NEDD4: variants seen among roughly 807,000 people sequenced by gnomAD.
NEDD4 encodes the protein E3 ubiquitin-protein ligase NEDD4.
A neutral mutation model predicts 144.9 loss-of-function variants in NEDD4; 99 were observed. That is an observed-to-expected ratio of 0.68 (90% confidence interval 0.58 to 0.81). The LOEUF (loss-of-function observed/expected upper bound fraction) is 0.81, where lower values mean the gene tolerates loss of function less well. Among genes scored for constraint, NEDD4 ranks in the 30% least tolerant of loss-of-function variants. The pLI is 0.00. For missense variants in NEDD4, 985 were observed against 1,065.9 expected, an observed-to-expected ratio of 0.92 and a Z score of 1.06; for synonymous variants, 318 against 350.6, an observed-to-expected ratio of 0.91 and a Z score of 1.04.
At chr15:55,986,003 C>T (rs1438716745) in intron 1 of NEDD4, among the ~76,000 whole-genome samples, 2 of 152,116 alleles carry the variant, frequency 1.3e-5, no homozygotes, top group African/African-American at 4.8e-5. Context: ...GGACTTGTTA[C>T]GAAGACCTAG....
intron 7 of NEDD4, among the ~76,000 whole-genome samples, chr15:55,871,099 T>C (rs555063960): frequency 6.6e-6 from 1 of 152,306 alleles, no homozygotes; most frequent in East Asian, 1.9e-4. Context: ...AAATTTAGTG[T>C]ATCCTTTCAT....
intron 1 of NEDD4, among the ~76,000 whole-genome samples, chr15:55,976,253 G>A (rs1373069400): frequency 1.3e-5 from 2 of 152,156 alleles, no homozygotes; most frequent in African/African-American, 4.8e-5. Flanking sequence ...AAAAGCTCCT[G>A]TATAGCAAAG....
chr15:55,902,500 G>GA (rs1421997011), intron 5 of NEDD4, among the ~76,000 whole-genome samples: 1 of 152,092 alleles, frequency 6.6e-6, no homozygotes, highest in East Asian at 1.9e-4. Flanking sequence ...AAAGATTCTA[G>GA]AAAAAAGGAG....
intron 14 of NEDD4, among the ~76,000 whole-genome samples, chr15:55,849,574 C>T (rs148545649): frequency 4.0e-5 from 6 of 151,596 alleles, no homozygotes; most frequent in Admixed American, 6.6e-5. Context: ...GTTCAAGGGT[C>T]GATTAATATT....
At position 55,841,972 on chromosome 15, in the gene NEDD4, C is replaced by A. The variant is rs2033531210; in HGVS notation, c.1800G>T (p.Met600Ile). The change falls in exon 19 of 29, where the codon ATG becomes ATT. Residue 600 changes from methionine (M) to isoleucine (I), a missense_variant. By Grantham distance (10) the Met-to-Ile change is conservative (BLOSUM62 1). Coordinates refer to ENST00000435532, the MANE Select transcript of NEDD4 (RefSeq NM_006154.4). Reference protein sequence around the residue: ...REWFFLISKEMFNPYYGLFEY... With the variant: ...REWFFLISKEIFNPYYGLFEY... ...CAAACAACCCATAATAAGGGTTAAA[C>A]ATTTCCTTTGAGATCAGGAAGAACC... 1 of 1,614,028 alleles carries A rather than the reference C, an allele frequency of 6.2e-7. No homozygotes were observed. The highest frequency in any genetic ancestry group is 1.3e-5 in the African/African-American group (1 of 74,932).
intron 1 of NEDD4, among the ~76,000 whole-genome samples, chr15:55,981,050 T>G (rs2037793523): frequency 6.6e-6 from 1 of 151,630 alleles, no homozygotes. Context: ...CCTTTTTTTT[T>G]TTTTTGAGAC....
intron 1 of NEDD4, among the ~76,000 whole-genome samples, chr15:55,976,024 T>C (rs1425815753): frequency 1.3e-5 from 2 of 152,102 alleles, no homozygotes; most frequent in African/African-American, 2.4e-5. Flanking sequence ...GAACACACAA[T>C]GGGGAAAGGA....
chr15:55,966,476 G>A lies in NEDD4; in HGVS notation c.116C>T (p.Ala39Val). Residue 39 changes from alanine (A) to valine (V), a missense_variant, in exon 2 of 29, where the codon GCT (alanine) becomes GTT (valine). Physicochemically the swap from Ala to Val is moderately conservative, Grantham distance 64. Transcript: ENST00000435532. ...TAATCCAAATAGATATACTTACCTA[G>A]CTCCCAATATATCCTTCTTGGCAAG... ...IGLAKKDILGASDPYVRVTLY... is the reference protein window; with the variant it reads ...IGLAKKDILGVSDPYVRVTLY... 6.6e-7 allele frequency: 1 copy of A among 1,510,190 alleles called. No individual in the cohort carries two copies. Among genetic ancestry groups the A allele is most frequent in the East Asian group, 2.5e-5 (1 of 40,290 alleles). 93.5% of individuals were successfully genotyped at this position (1,510,190 alleles called of 1,614,324 possible).
chr15:55,891,116 G>A (rs1408372984), intron 5 of NEDD4, among the ~76,000 whole-genome samples: 4 of 152,166 alleles, frequency 2.6e-5, no homozygotes, highest in Non-Finnish European at 5.9e-5. Flanking sequence ...CCCACATGGT[G>A]AGAATTTTCT....
At chr15:55,977,207 C>A (rs912615209) in intron 1 of NEDD4, among the ~76,000 whole-genome samples, 18 of 152,186 alleles carry the variant, frequency 1.2e-4, no homozygotes, top group African/African-American at 4.3e-4. Flanking sequence ...TGATGGACAG[C>A]ATATATGATG....
At chr15:55,852,374 T>A (rs752636723) in intron 13 of NEDD4, 50 bp downstream of exon 13, 1 of 1,580,808 alleles carries the variant, frequency 6.3e-7, no homozygotes. Flanking sequence ...TACATAGGGA[T>A]GTGACAGTTT....
At chr15:55,872,799 C>G (rs141787647) in intron 6 of NEDD4, among the ~76,000 whole-genome samples, 1 of 152,014 alleles carries the variant, frequency 6.6e-6, no homozygotes, top group East Asian at 1.9e-4. Context: ...ATGCACATGT[C>G]TGCAGGCTGG....
In NEDD4 at chr15:55,846,422, T is replaced by C. The variant is rs1380078066; in HGVS notation, c.1608+547A>G. ...CAGATGATGAGTTTAGTTCCAAACA[T>C]ATTGCATTTGTGGCGATGGGAAAAA... is the stretch of plus-strand genomic sequence containing the variant. On this transcript the variant is annotated intron_variant, in intron 18 of 28. Coordinates refer to ENST00000435532, the MANE Select transcript of NEDD4 (RefSeq NM_006154.4). Among the ~76,000 whole-genome samples the C allele has an allele frequency of 2.6e-5, 4 of 152,180 alleles. No individual in the cohort carries two copies. In the East Asian group the frequency reaches 5.8e-4, roughly 22 times the overall value.
At chr15:55,976,373 T>A (rs1178700106) in intron 1 of NEDD4, among the ~76,000 whole-genome samples, 3 of 152,082 alleles carry the variant, frequency 2.0e-5, no homozygotes, top group African/African-American at 7.2e-5. Flanking sequence ...AACAACTCAA[T>A]AGGAAAAACT....
At chr15:55,977,182 T>C (rs1307543919) in intron 1 of NEDD4, among the ~76,000 whole-genome samples, 1 of 152,202 alleles carries the variant, frequency 6.6e-6, no homozygotes, top group African/African-American at 2.4e-5. Context: ...GGCTGCAGAA[T>C]GATATTTTGG....
intron 7 of NEDD4, among the ~76,000 whole-genome samples, chr15:55,871,008 C>T (rs541379719): frequency 2.6e-5 from 4 of 152,128 alleles, no homozygotes; most frequent in Non-Finnish European, 5.9e-5. Context: ...TTTATTCTGT[C>T]TTCAAGAGAT....
At chr15:55,947,886 T>C (rs1336323116) in intron 4 of NEDD4, among the ~76,000 whole-genome samples, 12 of 152,288 alleles carry the variant, frequency 7.9e-5, no homozygotes, top group Non-Finnish European at 1.3e-4. Context: ...CTTTGAAAAC[T>C]GGCACAAGAC....
At chr15:55,830,467 C>T (rs1343306055) in intron 28 of NEDD4, 47 bp downstream of exon 28, 12 of 1,530,642 alleles carry the variant, frequency 7.8e-6, no homozygotes, top group African/African-American at 1.4e-5. Context: ...ACAGAGGAAT[C>T]TCACTCTCTG....
intron 28 of NEDD4, 43 bp downstream of exon 28, chr15:55,830,471 C>T: frequency 6.5e-7 from 1 of 1,548,906 alleles, no homozygotes; most frequent in Non-Finnish European, 8.9e-7. Flanking sequence ...AGGAATCTCA[C>T]TCTCTGAGGC....
Sources: gnomAD v4.1 joint callset for allele counts (sites outside exome capture counted in the v4.1 genomes callset) on GRCh38, gnomAD v4.1.1 for gene constraint, MANE v1.5 for transcripts, NCBI Gene and HGNC (gene_info 2026-07-23, HGNC 2026-07-21) for gene names.